The following MTUS2 variants were observed in gnomAD, a reference collection of about 807,000 sequenced individuals.
MTUS2 encodes the protein microtubule associated scaffold protein 2, also known as microtubule-associated tumor suppressor candidate 2.
MTUS2 carries 40 observed loss-of-function variants against 114.1 expected under a neutral mutation model. The observed-to-expected ratio is 0.35, with a 90% confidence interval of 0.27 to 0.46. The LOEUF is 0.46. Ranked by LOEUF, MTUS2 falls within the 20% of genes least tolerant of loss-of-function variation. The pLI, the probability that MTUS2 is intolerant of heterozygous loss-of-function variation, is 1.00. For missense variants in MTUS2, 1,679 were observed against 1,705.4 expected, an observed-to-expected ratio of 0.98 and a Z score of 0.27; for synonymous variants, 688 against 672.0, an observed-to-expected ratio of 1.02 and a Z score of -0.37.
intron 2 of MTUS2, among the ~76,000 whole-genome samples, chr13:28,986,283 CAG>C (rs1236258944): frequency 6.6e-6 from 1 of 152,076 alleles, no homozygotes; most frequent in Non-Finnish European, 1.5e-5. Context: ...ATCTGGATGA[CAG>C]TGGTCTTGAG....
At chr13:29,472,480 C>T (rs896549684) in intron 9 of MTUS2, among the ~76,000 whole-genome samples, 1 of 152,188 alleles carries the variant, frequency 6.6e-6, no homozygotes, top group South Asian at 2.1e-4. Flanking sequence ...GACCACCTTG[C>T]GGATGTTCCT....
At chr13:29,336,134 ACTT>A (rs1484444186) in intron 7 of MTUS2, among the ~76,000 whole-genome samples, 1 of 152,032 alleles carries the variant, frequency 6.6e-6, no homozygotes, top group African/African-American at 2.4e-5. Context: ...TCTGAAGCCT[ACTT>A]CTGTCAGTTC....
intron 11 of MTUS2, among the ~76,000 whole-genome samples, chr13:29,491,009 TGTGGG>T (rs1882026099): frequency 3.6e-5 from 2 of 56,106 alleles, no homozygotes; most frequent in South Asian, 1.1e-3. Flanking sequence ...GTGTGTGTGG[TGTGGG>T]AGGTATGGGG....
intron 8 of MTUS2, among the ~76,000 whole-genome samples, chr13:29,398,432 A>G (rs1163796149): frequency 6.6e-6 from 1 of 151,346 alleles, no homozygotes; most frequent in African/African-American, 2.4e-5. Flanking sequence ...ACTGTACTCC[A>G]GCCTGGGCAA....
chr13:28,975,671 G>A (rs141419864), intron 2 of MTUS2, among the ~76,000 whole-genome samples: 4 of 152,276 alleles, frequency 2.6e-5, no homozygotes, highest in Admixed American at 2.0e-4. Flanking sequence ...AATATTTGAT[G>A]CATTTTATCT....
intron 9 of MTUS2, among the ~76,000 whole-genome samples, chr13:29,444,612 G>A (rs899154191): frequency 6.6e-6 from 1 of 152,188 alleles, no homozygotes; most frequent in Non-Finnish European, 1.5e-5. Context: ...AGTGAAGTTG[G>A]AGATTCAATG....
At chr13:28,822,490 T>A (rs538725307) in intron 1 of MTUS2, among the ~76,000 whole-genome samples, 1 of 152,350 alleles carries the variant, frequency 6.6e-6, no homozygotes, top group Non-Finnish European at 1.5e-5. Flanking sequence ...AAGACTGTTA[T>A]GCTTAGCGAT....
chr13:29,224,805 C>A (rs984452287), intron 5 of MTUS2, among the ~76,000 whole-genome samples: 1 of 152,130 alleles, frequency 6.6e-6, no homozygotes, highest in African/African-American at 2.4e-5. Context: ...ATTTGCCCTC[C>A]CTATTTAGTG....
intron 9 of MTUS2, chr13:29,476,608 T>C (rs1353481454): frequency 6.6e-6 from 1 of 152,156 alleles, no homozygotes; most frequent in Non-Finnish European, 1.5e-5. Context: ...ATATTCCGAG[T>C]TGTGGAAAAC....
intron 2 of MTUS2, among the ~76,000 whole-genome samples, chr13:28,844,095 GCA>G (rs1012665096): frequency 2.6e-5 from 4 of 152,150 alleles, no homozygotes; most frequent in African/African-American, 9.7e-5. Flanking sequence ...GCTTCAATGT[GCA>G]CATTCTTAAT....
At chr13:29,409,599 A>G (rs1158471889) in intron 8 of MTUS2, among the ~76,000 whole-genome samples, 1 of 152,178 alleles carries the variant, frequency 6.6e-6, no homozygotes, top group East Asian at 1.9e-4. Context: ...CATTCCCATC[A>G]ACCCTCTGTA....
At chr13:28,859,951 A>G (rs751477039) in intron 2 of MTUS2, among the ~76,000 whole-genome samples, 21 of 152,274 alleles carry the variant, frequency 1.4e-4, no homozygotes, top group Admixed American at 5.9e-4. Context: ...CATCCTGCCT[A>G]CTTTCATTGC....
intron 6 of MTUS2, among the ~76,000 whole-genome samples, chr13:29,282,901 C>G (rs1259658064): frequency 2.0e-5 from 3 of 152,208 alleles, no homozygotes; most frequent in Non-Finnish European, 4.4e-5. Context: ...TGGCTGCATG[C>G]TGTGGATATG....
At chr13:29,166,255 G>C (rs1893311408) in intron 5 of MTUS2, among the ~76,000 whole-genome samples, 1 of 152,194 alleles carries the variant, frequency 6.6e-6, no homozygotes. Context: ...CGGGATCTTT[G>C]AAACATAGTT....
intron 9 of MTUS2, among the ~76,000 whole-genome samples, chr13:29,447,634 T>C (rs75886789): frequency 0.066 from 9,774 of 148,570 alleles, 383 homozygotes; most frequent in African/African-American, 0.1. Context: ...TTTTTAATGC[T>C]GGTCATAAAG....
At chr13:28,928,249 C>G (rs1881429903) in intron 2 of MTUS2, among the ~76,000 whole-genome samples, 2 of 151,802 alleles carry the variant, frequency 1.3e-5, no homozygotes, top group Middle Eastern at 3.2e-3. Flanking sequence ...CAAAAACAGA[C>G]AAACGGGATT....
At chr13:29,331,792 T>C (rs1302602055) in intron 7 of MTUS2, among the ~76,000 whole-genome samples, 2 of 152,172 alleles carry the variant, frequency 1.3e-5, no homozygotes, top group Non-Finnish European at 1.5e-5. Context: ...TTATCAAAGG[T>C]CTTTTCTGCA....
chr13:29,117,333 G>A (rs1891130493), intron 5 of MTUS2, among the ~76,000 whole-genome samples: 1 of 152,154 alleles, frequency 6.6e-6, no homozygotes, highest in Admixed American at 6.5e-5. Context: ...CTGACCAGGT[G>A]CTGGACCCCT....
chr13:29,186,949 A>C (rs1894250600), intron 5 of MTUS2, among the ~76,000 whole-genome samples: 1 of 152,166 alleles, frequency 6.6e-6, no homozygotes, highest in African/African-American at 2.4e-5. Context: ...AGGAATCAAT[A>C]AGTGAAAGAA....
Sources: allele counts gnomAD v4.1 joint callset (sites outside exome capture counted in the v4.1 genomes callset), GRCh38; gene constraint gnomAD v4.1.1; transcripts MANE v1.5; gene names NCBI Gene and HGNC (gene_info 2026-07-23, HGNC 2026-07-21).